The following GOLIM4 variants were observed in gnomAD, a reference collection of about 807,000 sequenced individuals.
The protein encoded by GOLIM4 is 130 kDa golgi-localized phosphoprotein.
In GOLIM4, 71 loss-of-function variants were observed where a neutral mutation model predicts 107.4. That is an observed-to-expected ratio of 0.66 (90% CI 0.55 to 0.81). GOLIM4 has a LOEUF of 0.81. Among genes scored for constraint, GOLIM4 ranks in the 30% least tolerant of loss-of-function variants. The pLI, the probability that GOLIM4 is intolerant of heterozygous loss-of-function variation, is 0.00. For missense variants in GOLIM4, 830 were observed against 826.1 expected (o/e 1.00, Z -0.06); for synonymous variants, 327 against 294.8 (o/e 1.11, Z -1.12).
intron 1 of GOLIM4, among the ~76,000 whole-genome samples, chr3:168,080,311 T>C (rs1257708513): frequency 2.6e-5 from 4 of 152,206 alleles, no homozygotes; most frequent in Admixed American, 2.0e-4. Flanking sequence ...TAGAAAGTAA[T>C]TGTGCACTGT....
chr3:168,024,738 C>T (rs546507825), intron 13 of GOLIM4, 144 bp from the exon 14 acceptor site: 3 of 849,924 alleles, frequency 3.5e-6, no homozygotes, highest in East Asian at 4.9e-5. Flanking sequence ...GTAATCATTC[C>T]CAATACAAAG....
At chr3:168,082,477 T>C (rs914645877) in intron 1 of GOLIM4, among the ~76,000 whole-genome samples, 1 of 152,134 alleles carries the variant, frequency 6.6e-6, no homozygotes, top group African/African-American at 2.4e-5. Flanking sequence ...TCTAGGTAAC[T>C]AGTAGCTTCT....
chr3:168,091,685 C>A (rs1464717952), intron 1 of GOLIM4, among the ~76,000 whole-genome samples: 2 of 152,162 alleles, frequency 1.3e-5, no homozygotes, highest in Non-Finnish European at 2.9e-5. Flanking sequence ...TAACTTTTAA[C>A]GAGCAGTACC....
intron 1 of GOLIM4, among the ~76,000 whole-genome samples, chr3:168,058,958 G>A (rs958235704): frequency 6.6e-6 from 1 of 152,210 alleles, no homozygotes; most frequent in Non-Finnish European, 1.5e-5. Context: ...AGAAAATTAT[G>A]CACAAGAGAA....
chr3:168,042,712 T>C (rs910504088), intron 5 of GOLIM4, among the ~76,000 whole-genome samples: 4 of 152,260 alleles, frequency 2.6e-5, no homozygotes, highest in African/African-American at 9.6e-5. Flanking sequence ...CATATTACTA[T>C]GAAAATACCT....
At chr3:168,085,463 G>A (rs1721573711) in intron 1 of GOLIM4, among the ~76,000 whole-genome samples, 1 of 152,128 alleles carries the variant, frequency 6.6e-6, no homozygotes, top group South Asian at 2.1e-4. Flanking sequence ...GTGGCTTTTG[G>A]CTAATGGAGA....
At chr3:168,075,303 T>C (rs1289347796) in intron 1 of GOLIM4, among the ~76,000 whole-genome samples, 2 of 139,054 alleles carry the variant, frequency 1.4e-5, no homozygotes, top group African/African-American at 5.4e-5. Context: ...TTTTTTTTTT[T>C]TTTTTTTTTT....
chr3:168,056,256 G>A (rs1307651471), intron 1 of GOLIM4, among the ~76,000 whole-genome samples: 1 of 152,212 alleles, frequency 6.6e-6, no homozygotes, highest in Non-Finnish European at 1.5e-5. Context: ...CTGAGCCTGT[G>A]GGTGCACAGA....
chr3:168,011,667 G>C, intron 14 of GOLIM4, among the ~76,000 whole-genome samples: 1 of 149,708 alleles, frequency 6.7e-6, no homozygotes. Flanking sequence ...GAAGAGAGCA[G>C]TGGTTCTCCC....
intron 1 of GOLIM4, among the ~76,000 whole-genome samples, chr3:168,094,233 T>C (rs1264529267): frequency 6.6e-6 from 1 of 152,162 alleles, no homozygotes; most frequent in Non-Finnish European, 1.5e-5. Context: ...GTAAATTATG[T>C]TTGTGAAAAT....
intron 14 of GOLIM4, among the ~76,000 whole-genome samples, chr3:168,016,450 T>C (rs1454277778): frequency 7.6e-6 from 1 of 131,372 alleles, no homozygotes; most frequent in Non-Finnish European, 1.5e-5. Flanking sequence ...GGTGGGACTG[T>C]AAACTAGTTC....
At chr3:168,022,796 A>C (rs1717783422) in intron 14 of GOLIM4, among the ~76,000 whole-genome samples, 1 of 152,180 alleles carries the variant, frequency 6.6e-6, no homozygotes, top group Admixed American at 6.5e-5. Context: ...AGGCCTGAAC[A>C]CTGCTTTAAG....
At chr3:168,045,511 T>C (rs1239570880) in intron 3 of GOLIM4, among the ~76,000 whole-genome samples, 1 of 152,178 alleles carries the variant, frequency 6.6e-6, no homozygotes, top group Non-Finnish European at 1.5e-5. Context: ...GAACTGCGTG[T>C]CCTGAGCTCC....
chr3:168,009,749 G>C lies in GOLIM4; in HGVS notation c.*520C>G, dbSNP rs1406440295. The C allele has an allele frequency of 6.6e-6, 1 of 152,160 alleles. No homozygotes were observed. The highest frequency in any genetic ancestry group is 1.5e-5 in the Non-Finnish European group (1 of 68,058). The allele number at this position is 152,160 out of a possible 1,614,324, so 9.4% of individuals were successfully genotyped here. On this transcript the variant is annotated 3_prime_UTR_variant, in exon 16 of 16. Coordinates refer to ENST00000470487, the MANE Select transcript of GOLIM4 (RefSeq NM_014498.5). ...TGGATTTCCAATTGTATGTCACTTT[G>C]TACATAGATCTCACTCCAGAGATAC...
At chr3:168,020,156 T>C (rs565991176) in intron 14 of GOLIM4, among the ~76,000 whole-genome samples, 26 of 152,298 alleles carry the variant, frequency 1.7e-4, no homozygotes, top group African/African-American at 5.3e-4. Flanking sequence ...AACTAATCCC[T>C]CTGAAGCCCA....
chr3:168,077,671 C>T (rs772341928), intron 1 of GOLIM4, among the ~76,000 whole-genome samples: 3 of 152,150 alleles, frequency 2.0e-5, no homozygotes, highest in Non-Finnish European at 2.9e-5. Context: ...TCATGTAACA[C>T]GAGTTGCATC....
intron 1 of GOLIM4, among the ~76,000 whole-genome samples, chr3:168,084,192 C>T (rs982443753): frequency 6.6e-6 from 1 of 152,132 alleles, no homozygotes; most frequent in African/African-American, 2.4e-5. Context: ...TCTCCTGCTC[C>T]ACCAGAGTAA....
At chr3:168,036,524 G>A (rs925806788) in intron 8 of GOLIM4, among the ~76,000 whole-genome samples, 5 of 151,994 alleles carry the variant, frequency 3.3e-5, no homozygotes, top group Non-Finnish European at 5.9e-5. Context: ...CCTGGACGAC[G>A]TAGCATGACA....
chr3:168,015,820 G>A (rs1394052836), intron 14 of GOLIM4, among the ~76,000 whole-genome samples: 1 of 132,548 alleles, frequency 7.5e-6, no homozygotes, highest in Admixed American at 7.0e-5. Context: ...AATGGTGCTG[G>A]GAAAACTGGC....
Sources: allele counts gnomAD v4.1 joint callset (sites outside exome capture counted in the v4.1 genomes callset), GRCh38; gene constraint gnomAD v4.1.1; transcripts MANE v1.5; gene names NCBI Gene and HGNC (gene_info 2026-07-23, HGNC 2026-07-21).